FHOD3: variants seen among roughly 807,000 people sequenced by gnomAD.
FHOD3 encodes formin homology 2 domain containing 3, also known as FH1/FH2 domain-containing protein 3.
FHOD3 carries 90 observed loss-of-function variants against 173.0 expected under a neutral mutation model. That is an observed-to-expected ratio of 0.52 (90% CI 0.44 to 0.62). FHOD3 has a LOEUF of 0.62. FHOD3 is among the 20% of genes least tolerant of loss of function. FHOD3 has a pLI of 0.00. For synonymous variants in FHOD3, 828 were observed against 823.0 expected (o/e 1.01, Z -0.10); for missense variants, 1,945 against 2,034.7 (o/e 0.96, Z 0.85).
At chr18:36,381,810 A>G (rs1300452345) in intron 3 of FHOD3, among the ~76,000 whole-genome samples, 6 of 152,238 alleles carry the variant, frequency 3.9e-5, no homozygotes, top group Admixed American at 3.3e-4. Context: ...TCTCAGGAAG[A>G]AGAATACAAG....
At position 36,779,449 on chromosome 18, in the gene FHOD3, G is replaced by A. The variant is rs1313423479; in HGVS notation, c.4788G>A (p.Leu1596=). Residue 1596 remains leucine, a splice_region_variant and synonymous_variant, in exon 29 of 29, where the codon TTG becomes TTA. Transcript: ENST00000590592. ...GTGTGACCTGCACCACCACTGCAGTGCGAAGAACCCTGAAGAGCGGCCTGA... is the reference window on the plus strand; with the variant it reads ...GTGTGACCTGCACCACCACTGCAGTACGAAGAACCCTGAAGAGCGGCCTGA... ...RKRSRANRKS[L]RRTLKSGLTP... 6.2e-7 allele frequency: 1 copy of A among 1,614,054 alleles called. No homozygotes were observed. The highest frequency in any genetic ancestry group is 8.5e-7 in the Non-Finnish European group (1 of 1,180,034).
intron 15 of FHOD3, among the ~76,000 whole-genome samples, chr18:36,683,476 A>T (rs371667133): frequency 5.9e-5 from 9 of 152,348 alleles, no homozygotes; most frequent in African/African-American, 1.7e-4. Flanking sequence ...ACTCTGAAAT[A>T]TAAAAGAGAG....
intron 11 of FHOD3, among the ~76,000 whole-genome samples, chr18:36,650,354 G>T (rs186714979): frequency 6.6e-6 from 1 of 152,230 alleles, no homozygotes; most frequent in East Asian, 1.9e-4. Context: ...TCTCAGATGG[G>T]CTCATTTGAC....
At chr18:36,750,166 GTAGTCCCAGC>G (rs780560378) in intron 24 of FHOD3, among the ~76,000 whole-genome samples, 47 of 152,212 alleles carry the variant, frequency 3.1e-4, no homozygotes, top group South Asian at 1.0e-3. Flanking sequence ...GTGGGCACCT[GTAGTCCCAGC>G]TACTCAGGAG....
intron 3 of FHOD3, among the ~76,000 whole-genome samples, chr18:36,467,579 C>T (rs1342986714): frequency 1.3e-5 from 2 of 152,136 alleles, no homozygotes; most frequent in East Asian, 3.9e-4. Context: ...AATCCCTTGA[C>T]TGCCTGGACT....
At chr18:36,521,529 C>A (rs1275218562) in intron 5 of FHOD3, among the ~76,000 whole-genome samples, 2 of 152,158 alleles carry the variant, frequency 1.3e-5, no homozygotes, top group Non-Finnish European at 2.9e-5. Flanking sequence ...TAATCATCAC[C>A]CACCAAATTA....
intron 1 of FHOD3, among the ~76,000 whole-genome samples, chr18:36,346,653 A>G (rs1403515763): frequency 6.6e-6 from 1 of 151,822 alleles, no homozygotes; most frequent in African/African-American, 2.4e-5. Flanking sequence ...CACTGGATTC[A>G]CCATTGTCCA....
At chr18:36,712,716 C>A (rs754519340) in intron 18 of FHOD3, among the ~76,000 whole-genome samples, 2 of 151,798 alleles carry the variant, frequency 1.3e-5, no homozygotes, top group Non-Finnish European at 2.9e-5. Flanking sequence ...AATAATGGAC[C>A]AAAACTTCTC....
intron 3 of FHOD3, among the ~76,000 whole-genome samples, chr18:36,453,374 A>C (rs545691128): frequency 4.6e-5 from 7 of 152,374 alleles, no homozygotes; most frequent in Non-Finnish European, 1.0e-4. Context: ...GTCAGCTCTG[A>C]GGACACACAG....
intron 3 of FHOD3, among the ~76,000 whole-genome samples, chr18:36,440,794 T>C (rs1173138919): frequency 6.6e-6 from 1 of 152,216 alleles, no homozygotes; most frequent in Non-Finnish European, 1.5e-5. Context: ...AGTAGTCGCA[T>C]TCCCTTAGCT....
intron 3 of FHOD3, among the ~76,000 whole-genome samples, chr18:36,384,805 G>T (rs1462851933): frequency 6.6e-6 from 1 of 152,156 alleles, no homozygotes; most frequent in Non-Finnish European, 1.5e-5. Flanking sequence ...GAGAACGGGG[G>T]ACCTAGTGCC....
intron 1 of FHOD3, among the ~76,000 whole-genome samples, chr18:36,348,598 T>G (rs868446626): frequency 1.3e-5 from 2 of 152,160 alleles, no homozygotes; most frequent in Non-Finnish European, 2.9e-5. Flanking sequence ...GGACTTCGTG[T>G]GTTCTTGCCT....
intron 13 of FHOD3, among the ~76,000 whole-genome samples, chr18:36,653,748 A>G (rs1402252795): frequency 1.3e-5 from 2 of 152,196 alleles, no homozygotes; most frequent in African/African-American, 4.8e-5. Context: ...ATTTTGAACA[A>G]TCAGTCGTCC....
At chr18:36,399,454 C>T (rs906399757) in intron 3 of FHOD3, among the ~76,000 whole-genome samples, 1 of 152,120 alleles carries the variant, frequency 6.6e-6, no homozygotes, top group African/African-American at 2.4e-5. Flanking sequence ...TTATATGTGT[C>T]TTTTGTTTTG....
Position 36,560,525 on chromosome 18 carries a change from G to C in FHOD3, c.512-15926G>C, listed in dbSNP as rs548458726. 3.9e-5 allele frequency among the ~76,000 whole-genome samples: 6 copies of C among 152,300 alleles called. No homozygotes were observed. The South Asian group carries it at 1.2e-3, about 32-fold the overall frequency. ...CTTCAAAGCTCTTGTGGAGTAACGG[G>C]TCTGATCATTCTCCATTCCTGACCA... is the stretch of plus-strand genomic sequence containing the variant. On this transcript the variant is annotated intron_variant, in intron 5 of 28. Transcript: ENST00000590592.
At chr18:36,645,933 A>T (rs2035649805) in intron 10 of FHOD3, among the ~76,000 whole-genome samples, 1 of 152,136 alleles carries the variant, frequency 6.6e-6, no homozygotes, top group East Asian at 1.9e-4. Context: ...CTAGGATTAG[A>T]AGGAAATTTT....
rs1203876509 is a variant in FHOD3 at position 36,702,804 on chromosome 18, C to CTG, written c.2237-6280_2237-6279dup. ...AGCAACATTGAAACATTCCTGCCCACTGTGTGTGTGTGCGCGTGTGTGTGT... is the reference window on the plus strand; with the variant it reads ...AGCAACATTGAAACATTCCTGCCCACTGTGTGTGTGTGTGCGCGTGTGTGTGT... On this transcript the variant is annotated intron_variant, in intron 17 of 28. Coordinates refer to ENST00000590592, the MANE Select transcript of FHOD3 (RefSeq NM_001281740.3). 2.6e-5 allele frequency among the ~76,000 whole-genome samples: 4 copies of CTG among 152,202 alleles called. No homozygotes were observed. In the East Asian group the frequency reaches 5.8e-4, roughly 22 times the overall value.
chr18:36,462,942 A>C (rs755134086), intron 3 of FHOD3, among the ~76,000 whole-genome samples: 1 of 152,170 alleles, frequency 6.6e-6, no homozygotes, highest in South Asian at 2.1e-4. Context: ...CACTTATCTG[A>C]TCTTGATGTA....
rs1252359775 is a variant in FHOD3, at chr18:36,652,871, T to C, written c.1588T>C (p.Phe530Leu). 6.5e-7 allele frequency: 1 copy of C among 1,535,866 alleles called. No homozygotes were observed. Among genetic ancestry groups the C allele is most frequent in the South Asian group, 1.2e-5 (1 of 84,042 alleles). Residue 530 changes from phenylalanine to leucine, a missense_variant, in exon 12 of 29, where the codon TTT (phenylalanine) becomes CTT (leucine). Phe to Leu is a conservative substitution (Grantham distance 22). Coordinates refer to ENST00000590592, the MANE Select transcript of FHOD3 (RefSeq NM_001281740.3). ...HSPFHLFSYD[F>L]EDSSLSTKEK... ...CCCCTTCCACCTCTTCTCCTATGAC[T>C]TTGAGGACTCCTCCCTGTCCACCAA... is the stretch of plus-strand genomic sequence containing the variant.
Sources: allele counts gnomAD v4.1 joint callset (sites outside exome capture counted in the v4.1 genomes callset), GRCh38; gene constraint gnomAD v4.1.1; transcripts MANE v1.5; gene names NCBI Gene and HGNC (gene_info 2026-07-23, HGNC 2026-07-21).